Variants in SLC6A20 observed in about 807,000 individuals in gnomAD.
SLC6A20 encodes sodium- and chloride-dependent transporter XTRP3.
Under a neutral mutation model 64.3 loss-of-function variants are expected in SLC6A20, and 73 were observed. The ratio of observed to expected loss-of-function variants is 1.14; its 90% CI spans 0.94 to 1.38. The LOEUF (loss-of-function observed/expected upper bound fraction) is 1.38, where lower values mean the gene tolerates loss of function less well. Ranked by LOEUF, SLC6A20 falls within the 40% of genes most tolerant of loss-of-function variation. SLC6A20 has a pLI of 0.00. For missense variants in SLC6A20, 725 were observed against 772.8 expected, an observed-to-expected ratio of 0.94 and a Z score of 0.73; for synonymous variants, 347 against 329.6, an observed-to-expected ratio of 1.05 and a Z score of -0.57.
intron 1 of SLC6A20, among the ~76,000 whole-genome samples, chr3:45,793,538 G>A (rs1297069966): frequency 6.6e-6 from 1 of 151,902 alleles, no homozygotes; most frequent in Non-Finnish European, 1.5e-5. Context: ...GAGATGATTG[G>A]TACCTGGAAT....
intron 9 of SLC6A20, among the ~76,000 whole-genome samples, chr3:45,762,355 T>C (rs1258976164): frequency 1.3e-5 from 2 of 152,154 alleles, no homozygotes; most frequent in Admixed American, 6.5e-5. Context: ...ACAGCTGTGT[T>C]TGACCAGCCC....
intron 3 of SLC6A20, among the ~76,000 whole-genome samples, chr3:45,776,563 A>G (rs1363338167): frequency 6.6e-6 from 1 of 152,126 alleles, no homozygotes; most frequent in Non-Finnish European, 1.5e-5. Context: ...TAGCTCAAAG[A>G]AGTCACCAGC....
At position 45,772,557 on chromosome 3, in the gene SLC6A20, C is replaced by T. The variant is rs750113286; in HGVS notation, c.641G>A (p.Gly214Asp). ...YCVLIIYLIR[G>D]LTLHGATNGL... ...ATTGGTGGCTCCGTGGAGCGTGAGG[C>T]CCCTGATGAGGTAGATGATGAGCAC... Residue 214 changes from glycine (G) to aspartate (D), a missense_variant, in exon 5 of 11, where the codon GGC (glycine) becomes GAC (aspartate). By Grantham distance (94) the Gly-to-Asp change is moderately conservative. Transcript: ENST00000358525. The T allele has an allele frequency of 6.2e-7, 1 of 1,613,892 alleles. No individual in the cohort carries two copies. Among genetic ancestry groups the T allele is most frequent in the South Asian group, 1.1e-5 (1 of 91,024 alleles).
At chr3:45,779,882 C>A in intron 3 of SLC6A20, 127 bp downstream of exon 3, 1 of 1,010,102 alleles carries the variant, frequency 9.9e-7, no homozygotes, top group Non-Finnish European at 1.5e-6. Context: ...CCACCTCACA[C>A]CACCCACCGG....
At chr3:45,776,370 C>T (rs530881455) in intron 3 of SLC6A20, among the ~76,000 whole-genome samples, 1 of 152,274 alleles carries the variant, frequency 6.6e-6, no homozygotes, top group African/African-American at 2.4e-5. Context: ...CCCTCTGCAG[C>T]ACTGGCCCAG....
At chr3:45,770,622 G>C (rs1699846090) in intron 6 of SLC6A20, among the ~76,000 whole-genome samples, 1 of 152,174 alleles carries the variant, frequency 6.6e-6, no homozygotes, top group Non-Finnish European at 1.5e-5. Context: ...AGAAGTTTCT[G>C]TGCTGATGAA....
intron 7 of SLC6A20, among the ~76,000 whole-genome samples, chr3:45,767,518 A>C (rs1699796362): frequency 1.3e-5 from 2 of 152,186 alleles, no homozygotes; most frequent in African/African-American, 4.8e-5. Context: ...AAAAAGGATA[A>C]AAAGATGGGA....
At chr3:45,764,238 C>A (rs1011308559) in intron 8 of SLC6A20, among the ~76,000 whole-genome samples, 20 of 152,162 alleles carry the variant, frequency 1.3e-4, no homozygotes, top group African/African-American at 4.8e-4. Context: ...CCATCAACAG[C>A]AGAATGGATA....
chr3:45,789,844 G>A (rs1354565285), intron 1 of SLC6A20, among the ~76,000 whole-genome samples: 7 of 151,986 alleles, frequency 4.6e-5, no homozygotes, highest in African/African-American at 1.2e-4. Context: ...CTCCTGCCTC[G>A]GCCTCCCAAA....
Position 45,772,507 on chromosome 3 carries a change from T to C in SLC6A20, c.691A>G (p.Lys231Glu). ...TNGLMYMFTPKIEQLANPKAW... is the reference protein window; with the variant it reads ...TNGLMYMFTPEIEQLANPKAW... ...GGCCCTTCCGCTTCAGCCCGTACCT[T>C]GGGAGTGAACATGTACATGAGGCCA... Residue 231 changes from lysine to glutamate, a missense_variant and splice_region_variant, in exon 5 of 11, where the codon AAG becomes GAG. Lys to Glu is a moderately conservative substitution (Grantham distance 56). Transcript: ENST00000358525. The C allele has an allele frequency of 6.2e-7, 1 of 1,611,622 alleles. No individual in the cohort carries two copies. Among genetic ancestry groups the C allele is most frequent in the Non-Finnish European group, 8.5e-7 (1 of 1,178,908 alleles).
chr3:45,769,507 G>A (rs1699824950), intron 7 of SLC6A20, among the ~76,000 whole-genome samples: 1 of 150,908 alleles, frequency 6.6e-6, no homozygotes, highest in African/African-American at 2.4e-5. Flanking sequence ...TATTAGTAAG[G>A]GAATGGATAA....
intron 4 of SLC6A20, among the ~76,000 whole-genome samples, chr3:45,773,341 CT>C: frequency 6.6e-6 from 1 of 152,196 alleles, no homozygotes; most frequent in Non-Finnish European, 1.5e-5. Context: ...AACATTACAC[CT>C]GAATGGACAT....
intron 3 of SLC6A20, among the ~76,000 whole-genome samples, chr3:45,778,655 A>C (rs1418208170): frequency 6.6e-6 from 1 of 152,224 alleles, no homozygotes; most frequent in East Asian, 1.9e-4. Context: ...TAAGTATACA[A>C]ATCTATAATG....
intron 6 of SLC6A20, 23 bp from the exon 7 acceptor site, chr3:45,770,394 G>T: frequency 1.2e-6 from 2 of 1,611,488 alleles, no homozygotes; most frequent in South Asian, 1.1e-5. Context: ...CCATCGGATC[G>T]ACCTTCACTG....
At chr3:45,770,134 C>T in intron 7 of SLC6A20, 75 bp downstream of exon 7, 1 of 1,582,850 alleles carries the variant, frequency 6.3e-7, no homozygotes, top group Non-Finnish European at 8.6e-7. Flanking sequence ...GCCTATCTCC[C>T]AAGTCAGCAG....
rs766525777 is a variant in SLC6A20 at position 45,775,801 on chromosome 3, A to G, written c.542T>C (p.Val181Ala). ...GGTGCCACGCAGGATGCACAGGTAC[A>G]CCACCAGCCAGGCCAGGAGGAGGCA... ...ALCLLLAWLV[V>A]YLCILRGTES... Residue 181 changes from valine to alanine, a missense_variant, in exon 4 of 11, where the codon GTG (valine) becomes GCG (alanine). Coordinates refer to ENST00000358525, the MANE Select transcript of SLC6A20 (RefSeq NM_020208.4). 1.2e-6 allele frequency: 2 copies of G among 1,614,058 alleles called. No homozygotes were observed. The highest frequency in any genetic ancestry group is 3.3e-5 in the Admixed American group (2 of 60,018).
In SLC6A20 at chr3:45,765,696, TG is replaced by T; in HGVS notation, c.1143del (p.Ile382LeufsTer19). On this transcript the variant is annotated frameshift_variant, in exon 8 of 11. Transcript: ENST00000358525. LOFTEE classifies it high-confidence loss of function. The surrounding 1 kb of genome is among the most constrained non-coding windows in gnomAD (Gnocchi z 4.2). ...TGLAFIVYTE[A>X]IKNMEVSQLW... ...AGCTGGGACACCTCCATGTTTTTAATGGCCTCTGTGTAGACGATGAATGCCA... is the reference window on the plus strand; with the variant it reads ...AGCTGGGACACCTCCATGTTTTTAATGCCTCTGTGTAGACGATGAATGCCA... 6.2e-7 allele frequency: 1 copy of T among 1,614,212 alleles called. No individual in the cohort carries two copies. The highest frequency in any genetic ancestry group is 8.5e-7 in the Non-Finnish European group (1 of 1,180,042).
intron 1 of SLC6A20, chr3:45,790,560 A>T (rs1860263): frequency 0.33 from 50,201 of 151,934 alleles, 9,122 homozygotes; most frequent in East Asian, 0.49. Context: ...GGTGAGAAAA[A>T]TTAAAGCCGT....
rs2125714902 is a variant in SLC6A20 at position 45,758,451 on chromosome 3, C to T, written c.*527G>A. Reference sequence around the variant, plus strand: ...ATCTTCTTTCTTTATAACTTGTCATCCTAAGATTTAAAGGGTGGAAGGGGA... The same window carrying T: ...ATCTTCTTTCTTTATAACTTGTCATTCTAAGATTTAAAGGGTGGAAGGGGA... On this transcript the variant is annotated 3_prime_UTR_variant, in exon 11 of 11. Transcript: ENST00000358525. 1 of 1,265,750 alleles carries T rather than the reference C, an allele frequency of 7.9e-7. No individual in the cohort carries two copies. The highest frequency in any genetic ancestry group is 1.0e-6 in the Non-Finnish European group (1 of 979,992). The allele number at this position is 1,265,750 out of a possible 1,614,324, so 78.4% of individuals were successfully genotyped here. A position where few individuals can be genotyped will look rare whatever the true frequency, so the allele number is the denominator to read the frequency against.
Sources: gnomAD v4.1 joint callset for allele counts (sites outside exome capture counted in the v4.1 genomes callset) on GRCh38, gnomAD v4.1.1 for gene constraint, Gnocchi (gnomAD v3.1) non-coding constraint, MANE v1.5 for transcripts, NCBI Gene and HGNC (gene_info 2026-07-23, HGNC 2026-07-21) for gene names.